DNAH7: variants seen among roughly 807,000 people sequenced by gnomAD.
DNAH7 encodes dynein axonemal heavy chain 7, also known as axonemal beta dynein heavy chain 7.
DNAH7 carries 397 observed loss-of-function variants against 444.6 expected under a neutral mutation model. The ratio of observed to expected loss-of-function variants is 0.89; its 90% CI spans 0.82 to 0.97. The LOEUF (loss-of-function observed/expected upper bound fraction) is 0.97. Ranked by LOEUF, DNAH7 falls within the 50% of genes least tolerant of loss-of-function variation. The pLI, the probability that DNAH7 is intolerant of heterozygous loss-of-function variation, is 0.00. For missense variants in DNAH7, 4,902 were observed against 4,800.8 expected (o/e 1.02, Z -0.62); for synonymous variants, 1,636 against 1,624.4 (o/e 1.01, Z -0.17).
At chr2:196,002,565 G>T (rs971905272) in intron 10 of DNAH7, among the ~76,000 whole-genome samples, 1 of 152,088 alleles carries the variant, frequency 6.6e-6, no homozygotes, top group Non-Finnish European at 1.5e-5. Context: ...AAGAGATAAT[G>T]AATTTTTTAA....
chr2:195,745,831 A>G (rs528607741), intron 63 of DNAH7, among the ~76,000 whole-genome samples: 1 of 152,354 alleles, frequency 6.6e-6, no homozygotes, highest in African/African-American at 2.4e-5. Flanking sequence ...GGCCTGCCCT[A>G]AAAGAGCTCC....
In DNAH7 at chr2:195,886,239, G is replaced by A. The variant is rs369356816; in HGVS notation, c.5440C>T (p.Arg1814Trp). Reference protein sequence around the residue: ...LSPTSDTNLVRSLMNLIDCFM... With the variant: ...LSPTSDTNLVWSLMNLIDCFM... Reference sequence around the variant, plus strand: ...CAGTCTATTAGATTCATTAAGGACCGGACCAAGTTTGTATCGGAAGTAGGA... The same window carrying A: ...CAGTCTATTAGATTCATTAAGGACCAGACCAAGTTTGTATCGGAAGTAGGA... Residue 1814 changes from arginine to tryptophan, a missense_variant, in exon 34 of 65, where the codon CGG (arginine) becomes TGG (tryptophan). Arg to Trp is a moderately radical substitution (Grantham distance 101). Transcript: ENST00000312428. 111 of 1,612,670 alleles carry A rather than the reference G, an allele frequency of 6.9e-5. No homozygotes were observed. Among genetic ancestry groups the A allele is most frequent in the Non-Finnish European group, 6.0e-5 (71 of 1,179,468 alleles).
At chr2:195,927,308 A>G (rs1688396560) in intron 21 of DNAH7, among the ~76,000 whole-genome samples, 1 of 152,138 alleles carries the variant, frequency 6.6e-6, no homozygotes, top group South Asian at 2.1e-4. Flanking sequence ...GAATTTCAGA[A>G]AAGATTTCTT....
chr2:195,821,314 G>T (rs1445117213), intron 49 of DNAH7, among the ~76,000 whole-genome samples: 2 of 152,142 alleles, frequency 1.3e-5, no homozygotes, highest in African/African-American at 4.8e-5. Flanking sequence ...CTAAAAATAG[G>T]TAATGCTGTT....
intron 41 of DNAH7, among the ~76,000 whole-genome samples, chr2:195,863,763 T>C (rs897891589): frequency 1.3e-5 from 2 of 152,204 alleles, no homozygotes; most frequent in African/African-American, 4.8e-5. Context: ...CACTTCCTGC[T>C]ATTGCTCCAC....
At chr2:196,016,927 T>C (rs759406278) in intron 9 of DNAH7, among the ~76,000 whole-genome samples, 4 of 152,194 alleles carry the variant, frequency 2.6e-5, no homozygotes, top group Non-Finnish European at 4.4e-5. Flanking sequence ...AATTACGAAC[T>C]CTTACTGAAA....
chr2:195,995,509 G>A (rs1036179679), intron 12 of DNAH7: 4 of 310,562 alleles, frequency 1.3e-5, no homozygotes, highest in Admixed American at 4.2e-5. Context: ...TACTGTGAGC[G>A]CCTTTCCTAG....
At chr2:195,754,590 T>G in intron 62 of DNAH7, 76 bp from the exon 63 acceptor site, 12 of 1,450,996 alleles carry the variant, frequency 8.3e-6, no homozygotes, top group South Asian at 1.4e-5. Flanking sequence ...ACAGGATCTC[T>G]GGTTGCCCAG....
intron 12 of DNAH7, chr2:195,994,498 T>C (rs1693564182): frequency 2.0e-6 from 1 of 492,542 alleles, no homozygotes; most frequent in South Asian, 1.8e-5. Context: ...CCTGTGTTGG[T>C]TGAATCCAAG....
chr2:195,751,337 C>T (rs1170487418), intron 63 of DNAH7, among the ~76,000 whole-genome samples: 1 of 152,132 alleles, frequency 6.6e-6, no homozygotes, highest in Non-Finnish European at 1.5e-5. Flanking sequence ...TAAGAGGTAT[C>T]TTTAACAGGT....
intron 46 of DNAH7, among the ~76,000 whole-genome samples, chr2:195,847,408 G>A (rs1699072261): frequency 6.6e-6 from 1 of 151,768 alleles, no homozygotes; most frequent in South Asian, 2.1e-4. Context: ...ACCAAACACT[G>A]CATGTTCTCA....
At chr2:195,956,133 T>C (rs1690636582) in intron 19 of DNAH7, among the ~76,000 whole-genome samples, 1 of 152,158 alleles carries the variant, frequency 6.6e-6, no homozygotes, top group African/African-American at 2.4e-5. Context: ...GTATTATCAA[T>C]ATTTCGGATT....
At chr2:196,024,355 A>C (rs1695551184) in intron 8 of DNAH7, 74 bp downstream of exon 8, 1 of 947,488 alleles carries the variant, frequency 1.1e-6, no homozygotes, top group Admixed American at 3.3e-5. Flanking sequence ...CATTTGAGAA[A>C]ATATAATTGG....
chr2:195,798,644 C>T (rs910606033), intron 55 of DNAH7, among the ~76,000 whole-genome samples: 10 of 149,012 alleles, frequency 6.7e-5, no homozygotes, highest in South Asian at 4.2e-4. Context: ...CCTGGGTTCA[C>T]GCCATTCTCC....
intron 51 of DNAH7, among the ~76,000 whole-genome samples, chr2:195,810,895 T>G (rs1307861251): frequency 6.6e-6 from 1 of 152,228 alleles, no homozygotes; most frequent in Non-Finnish European, 1.5e-5. Flanking sequence ...TTTGTCTCAC[T>G]TGTAGCAGTA....
At chr2:195,971,584 T>C (rs1387045088) in intron 16 of DNAH7, among the ~76,000 whole-genome samples, 1 of 152,004 alleles carries the variant, frequency 6.6e-6, no homozygotes, top group African/African-American at 2.4e-5. Flanking sequence ...AACAAGCACA[T>C]GTGGGGCGGG....
intron 28 of DNAH7, among the ~76,000 whole-genome samples, chr2:195,900,028 A>G (rs763231245): frequency 5.3e-5 from 8 of 152,206 alleles, no homozygotes; most frequent in Non-Finnish European, 1.0e-4. Flanking sequence ...ATTTCTCAGG[A>G]GTAAGCAATT....
chr2:195,968,131 C>A (rs1574909691), intron 17 of DNAH7, among the ~76,000 whole-genome samples: 1 of 152,138 alleles, frequency 6.6e-6, no homozygotes, highest in East Asian at 1.9e-4. Flanking sequence ...TGGCCCATGG[C>A]AGGTCCAGAA....
rs1490785896 is a variant in DNAH7 at position 195,858,416 on chromosome 2, ATTTC to A, written c.8067+54_8067+57del. The A allele has an allele frequency of 2.2e-6, 3 of 1,379,262 alleles. No individual in the cohort carries two copies. In the South Asian group the frequency reaches 4.8e-5, roughly 22 times the overall value. 85.4% of individuals were successfully genotyped at this position (1,379,262 alleles called of 1,614,324 possible). On this transcript the variant is annotated intron_variant, in intron 43 of 64. Coordinates refer to ENST00000312428, the MANE Select transcript of DNAH7 (RefSeq NM_018897.3). ...CAAACTAGACTAGAACACAATGCTA[ATTTC>A]TTTCTTGGGCTATGATGACATGTGT...
Sources: allele counts gnomAD v4.1 joint callset (sites outside exome capture counted in the v4.1 genomes callset), GRCh38; gene constraint gnomAD v4.1.1; transcripts MANE v1.5; gene names NCBI Gene and HGNC (gene_info 2026-07-23, HGNC 2026-07-21).